Variants in SMPD4 observed in about 807,000 individuals in gnomAD.
SMPD4 encodes the protein sphingomyelin phosphodiesterase 4, also known as neutral sphingomyelinase 3.
Under a neutral mutation model 97.8 loss-of-function variants are expected in SMPD4, and 58 were observed. The ratio of observed to expected loss-of-function variants is 0.59; its 90% confidence interval spans 0.48 to 0.74. The LOEUF is 0.74. Ranked by LOEUF, SMPD4 falls within the 30% of genes least tolerant of loss-of-function variation. The probability of loss-of-function intolerance (pLI) is 0.00; values close to 1 mark genes in which losing one functional copy is unlikely to be tolerated. For synonymous variants in SMPD4, 388 were observed against 450.0 expected, an observed-to-expected ratio of 0.86 and a Z score of 1.74; for missense variants, 853 against 1,080.5, an observed-to-expected ratio of 0.79 and a Z score of 2.95.
At chr2:130,181,233 T>TC (rs765231343) in intron 1 of SMPD4, 82 of 1,272,074 alleles carry the variant, frequency 6.4e-5, no homozygotes, top group Non-Finnish European at 7.9e-5. Context: ...AGGCTCAACT[T>TC]CAACACAAAG....
chr2:130,170,835 C>T (rs1316140008), intron 8 of SMPD4, among the ~76,000 whole-genome samples: 2 of 151,558 alleles, frequency 1.3e-5, no homozygotes, highest in Admixed American at 6.6e-5. Context: ...CCAAGGTGGA[C>T]GGATTGCCTG....
chr2:130,171,883 G>C (rs1409236848), intron 8 of SMPD4, among the ~76,000 whole-genome samples: 1 of 152,222 alleles, frequency 6.6e-6, no homozygotes, highest in African/African-American at 2.4e-5. Flanking sequence ...GAGAGCCCCT[G>C]GTTCACACTC....
rs1285381662 is a variant in SMPD4 at position 130,156,211 on chromosome 2, C to T, written c.1189-76G>A. On this transcript the variant is annotated intron_variant, in intron 13 of 19. Transcript: ENST00000680298. ...GGTGGCCTGGAGCCCAGATACCAGG[C>T]GGCAGCTGGGTGGGACTGACTCTTC... The T allele has an allele frequency of 2.1e-5, 28 of 1,326,442 alleles. No homozygotes were observed. In the East Asian group the frequency reaches 5.1e-4, roughly 24 times the overall value. The allele number at this position is 1,326,442 out of a possible 1,614,324, so 82.2% of individuals were successfully genotyped here.
At chr2:130,162,805 G>T (rs1195979945) in intron 10 of SMPD4, among the ~76,000 whole-genome samples, 1 of 152,216 alleles carries the variant, frequency 6.6e-6, no homozygotes, top group African/African-American at 2.4e-5. Context: ...AAGTTTTCTT[G>T]CGTTTTGTGT....
At position 130,181,594 on chromosome 2, in the gene SMPD4, G is replaced by C; in HGVS notation, c.-110C>G. 5 of 1,603,094 alleles carry C rather than the reference G, an allele frequency of 3.1e-6. No homozygotes were observed. The highest frequency in any genetic ancestry group is 4.3e-6 in the Non-Finnish European group (5 of 1,175,756). On this transcript the variant is annotated 5_prime_UTR_variant, in exon 1 of 20. Transcript: ENST00000680298. The stretch of plus-strand genomic sequence containing the variant: ...CCGCCATTCCGCCACGGCGCCGAAA[G>C]TCGTCATCAAGCTGCGCGCAGAGCC...
intron 11 of SMPD4, chr2:130,158,397 A>C: frequency 2.8e-6 from 1 of 361,236 alleles, no homozygotes; most frequent in South Asian, 2.4e-5. Context: ...GGCTCACTGC[A>C]ACCTCCGCCT....
At chr2:130,176,508 C>T in intron 2 of SMPD4, 46 bp downstream of exon 2, 3 of 1,508,030 alleles carry the variant, frequency 2.0e-6, no homozygotes, top group Non-Finnish European at 2.7e-6. Context: ...CCCACATCTA[C>T]AGAACTATGG....
chr2:130,172,272 A>G, intron 8 of SMPD4, 77 bp downstream of exon 8: 13 of 1,425,904 alleles, frequency 9.1e-6, no homozygotes, highest in Non-Finnish European at 1.2e-5. Context: ...GGGTGGCAAC[A>G]TTGTCCCCGT....
chr2:130,165,482 A>G (rs1055122930), intron 9 of SMPD4, among the ~76,000 whole-genome samples: 2 of 152,158 alleles, frequency 1.3e-5, no homozygotes, highest in African/African-American at 4.8e-5. Context: ...GAGATGAATG[A>G]ATAAACACAA....
In SMPD4 at chr2:130,158,454, C is replaced by G. The variant is rs199781439; in HGVS notation, c.952-1058G>C. Among the ~76,000 whole-genome samples, 4 of 151,440 alleles carry G rather than the reference C, an allele frequency of 2.6e-5. No homozygotes were observed. In the South Asian group the frequency reaches 8.4e-4, roughly 32 times the overall value. ...GACTCAGCCTCCTGAGTAGCTGGGA[C>G]GACAAGTGTGTGCCACCATGCCCAG... On this transcript the variant is annotated intron_variant, in intron 11 of 19. Transcript: ENST00000680298.
At chr2:130,175,975 A>C (rs1688944683) in intron 2 of SMPD4, among the ~76,000 whole-genome samples, 2 of 151,922 alleles carry the variant, frequency 1.3e-5, no homozygotes, top group Admixed American at 1.3e-4. Context: ...CTCATATCTA[A>C]CTTCTCACTT....
chr2:130,175,030 C>T (rs750652347), intron 2 of SMPD4, 30 bp from the exon 3 acceptor site: 18 of 1,515,902 alleles, frequency 1.2e-5, no homozygotes, highest in Middle Eastern at 3.4e-4. Context: ...GAAAAAGTCA[C>T]GAGGACATTC....
chr2:130,154,303 T>A lies in SMPD4; in HGVS notation c.1633A>T (p.Met545Leu). 1 of 1,609,292 alleles carries A rather than the reference T, an allele frequency of 6.2e-7. No individual in the cohort carries two copies. Among genetic ancestry groups the A allele is most frequent in the Non-Finnish European group, 8.5e-7 (1 of 1,177,776 alleles). ...LEGQDCKYTP[M>L]FGPEARTLVL... ...AGGGTGCGGGCCTCGGGCCCAAACA[T>A]CGGGGTGTACTTGCAGTCCTGGCCC... Residue 545 changes from methionine (M) to leucine (L), a missense_variant, in exon 16 of 20, where the codon ATG (methionine) becomes TTG (leucine). Met to Leu is a conservative substitution (Grantham distance 15). Coordinates refer to ENST00000680298, the MANE Select transcript of SMPD4 (RefSeq NM_017951.5).
At chr2:130,157,437 G>A in intron 11 of SMPD4, 41 bp from the exon 12 acceptor site, 1 of 1,610,196 alleles carries the variant, frequency 6.2e-7, no homozygotes. Context: ...GAAGGAGCGT[G>A]GCACCCATAG....
In SMPD4 at chr2:130,153,730, G is replaced by A. The variant is rs1461194496; in HGVS notation, c.1865C>T (p.Ala622Val). 1.2e-6 allele frequency: 2 copies of A among 1,613,912 alleles called. No individual in the cohort carries two copies. The highest frequency in any genetic ancestry group is 1.7e-6 in the Non-Finnish European group (2 of 1,179,866). ...VRKTDEYLEKALEYLRQIFRL... is the reference protein window; with the variant it reads ...VRKTDEYLEKVLEYLRQIFRL... ...GAATATCTGGCGCAGGTACTCCAGG[G>A]CCTTCTCCAGGTATTCATCTGTCTT... Residue 622 changes from alanine to valine, a missense_variant, in exon 17 of 20, where the codon GCC (alanine) becomes GTC (valine). Transcript: ENST00000680298.
intron 8 of SMPD4, among the ~76,000 whole-genome samples, chr2:130,170,178 A>G (rs949043602): frequency 6.6e-6 from 1 of 152,074 alleles, no homozygotes; most frequent in Non-Finnish European, 1.5e-5. Context: ...ACAGAGTAAG[A>G]CCGTCTTTAA....
At chr2:130,181,475 C>G in intron 1 of SMPD4, 55 bp downstream of exon 1, 1 of 1,554,610 alleles carries the variant, frequency 6.4e-7, no homozygotes, top group East Asian at 2.4e-5. Flanking sequence ...CGCAGGGGCT[C>G]GGGGAAGCCC....
chr2:130,164,038 G>T (rs1235892976), intron 10 of SMPD4, among the ~76,000 whole-genome samples: 1 of 152,176 alleles, frequency 6.6e-6, no homozygotes, highest in African/African-American at 2.4e-5. Context: ...GTGACTCCCT[G>T]AGGCATCGCA....
In SMPD4 at chr2:130,181,552, C is replaced by G. The variant is rs1341212470; in HGVS notation, c.-68G>C. 1 of 1,606,018 alleles carries G rather than the reference C, an allele frequency of 6.2e-7. No homozygotes were observed. Among genetic ancestry groups the G allele is most frequent in the Admixed American group, 1.7e-5 (1 of 59,220 alleles). Reference sequence around the variant, plus strand: ...CACCTGTGGGATCCATAGCGTCGCTCGCCTCAGAGATGGAAGCCGCCATTC... The same window carrying G: ...CACCTGTGGGATCCATAGCGTCGCTGGCCTCAGAGATGGAAGCCGCCATTC... On this transcript the variant is annotated 5_prime_UTR_variant, in exon 1 of 20. Transcript: ENST00000680298.
Sources: gnomAD v4.1 joint callset for allele counts (sites outside exome capture counted in the v4.1 genomes callset) on GRCh38, gnomAD v4.1.1 for gene constraint, MANE v1.5 for transcripts, NCBI Gene and HGNC (gene_info 2026-07-23, HGNC 2026-07-21) for gene names.